The following PLGRKT variants were observed in gnomAD, a reference collection of about 807,000 sequenced individuals.
PLGRKT encodes plasminogen receptor with a C-terminal lysine, also known as plasminogen receptor (KT).
A neutral mutation model predicts 18.5 loss-of-function variants in PLGRKT; 22 were observed. The ratio of observed to expected loss-of-function variants is 1.19; its 90% CI spans 0.85 to 1.70. The LOEUF (loss-of-function observed/expected upper bound fraction) is 1.70. Ranked by LOEUF, PLGRKT falls within the 40% of genes most tolerant of loss-of-function variation. PLGRKT has a pLI of 0.00. For synonymous variants in PLGRKT, 72 were observed against 52.8 expected (o/e 1.36, Z -1.58); for missense variants, 235 against 174.4 (o/e 1.35, Z -1.96).
In PLGRKT at chr9:5,404,155, C is replaced by T. The variant is rs189531300; in HGVS notation, c.81+27742G>A. Among the ~76,000 whole-genome samples the T allele has an allele frequency of 7.5e-4, 114 of 152,216 alleles. 1 individual carries two copies. The highest frequency in any genetic ancestry group is 2.1e-3 in the African/African-American group (89 of 41,554). On this transcript the variant is annotated intron_variant, in intron 3 of 5. Coordinates refer to ENST00000223864, the MANE Select transcript of PLGRKT (RefSeq NM_018465.4). Reference sequence around the variant, plus strand: ...TGAACAGCCTACCAACCAAAAACAGCCCAGATCCTGATGGATTTACAGCTG... The same window carrying T: ...TGAACAGCCTACCAACCAAAAACAGTCCAGATCCTGATGGATTTACAGCTG...
chr9:5,371,347 T>C (rs907583281), intron 3 of PLGRKT, among the ~76,000 whole-genome samples: 1 of 152,210 alleles, frequency 6.6e-6, no homozygotes, highest in East Asian at 1.9e-4. Context: ...TCAACTTGAA[T>C]TGTATCTCCC....
At chr9:5,413,690 A>G (rs1024576608) in intron 3 of PLGRKT, among the ~76,000 whole-genome samples, 2 of 152,212 alleles carry the variant, frequency 1.3e-5, no homozygotes, top group Non-Finnish European at 2.9e-5. Context: ...ATCCATTGAG[A>G]ACCATTTCAA....
At chr9:5,394,055 A>T (rs13283426) in intron 3 of PLGRKT, among the ~76,000 whole-genome samples, 3 of 151,630 alleles carry the variant, frequency 2.0e-5, no homozygotes, top group Non-Finnish European at 4.4e-5. Flanking sequence ...TAGTGTTGCT[A>T]TTTTTATCAT....
Position 5,406,309 on chromosome 9 carries a change from C to G in PLGRKT, c.81+25588G>C, listed in dbSNP as rs373032505. Among the ~76,000 whole-genome samples the G allele has an allele frequency of 2.4e-4, 37 of 152,220 alleles. No individual in the cohort carries two copies. The South Asian group carries it at 7.7e-3, about 32-fold the overall frequency. On this transcript the variant is annotated intron_variant, in intron 3 of 5. Transcript: ENST00000223864. ...ATTCTGTTATAAAGACATATACATA[C>G]GTATGTTCACTGCAGCACTATTCAC...
intron 3 of PLGRKT, among the ~76,000 whole-genome samples, chr9:5,380,396 AAAT>A (rs1817719546): frequency 1.3e-5 from 2 of 151,764 alleles, no homozygotes; most frequent in Non-Finnish European, 2.9e-5. Flanking sequence ...AAAAGAATAA[AAAT>A]AATAGCTAAT....
intron 3 of PLGRKT, among the ~76,000 whole-genome samples, chr9:5,398,607 C>T (rs775535480): frequency 2.0e-4 from 31 of 151,842 alleles, no homozygotes; most frequent in Admixed American, 3.3e-4. Flanking sequence ...AACATCCTGG[C>T]ATTTCTTCTC....
chr9:5,361,834 G>A lies in PLGRKT; in HGVS notation c.136C>T (p.Gln46Ter), dbSNP rs772479229. 1.2e-6 allele frequency: 2 copies of A among 1,612,616 alleles called. No individual in the cohort carries two copies. The highest frequency in any genetic ancestry group is 1.7e-6 in the Non-Finnish European group (2 of 1,178,940). ...AGGAATTCCCGAGACCACGCAATCT[G>A]CATGGCCATTTGTCTTTCCCTCATT... ...SEMRERQMAM[Q>*]IAWSREFLKY... Residue 46 changes from glutamine to a stop codon, truncating the protein, a stop_gained, in exon 4 of 6, where the codon CAG becomes TAG. Transcript: ENST00000223864. LOFTEE classifies it high-confidence loss of function.
At chr9:5,379,497 GAT>G (rs372711401) in intron 3 of PLGRKT, among the ~76,000 whole-genome samples, 9 of 151,594 alleles carry the variant, frequency 5.9e-5, no homozygotes, top group African/African-American at 1.2e-4. Flanking sequence ...CATGTGAGTG[GAT>G]ATGTGTGTGT....
At chr9:5,391,831 G>C (rs1004043102) in intron 3 of PLGRKT, among the ~76,000 whole-genome samples, 1 of 151,904 alleles carries the variant, frequency 6.6e-6, no homozygotes, top group Non-Finnish European at 1.5e-5. Context: ...TAGGAATTAG[G>C]GGAAGGAATG....
intron 3 of PLGRKT, among the ~76,000 whole-genome samples, chr9:5,365,548 A>G (rs144490269): frequency 6.6e-6 from 1 of 152,276 alleles, no homozygotes; most frequent in African/African-American, 2.4e-5. Context: ...AAACAGTATG[A>G]AAGGGCAGCG....
intron 3 of PLGRKT, among the ~76,000 whole-genome samples, chr9:5,427,564 A>G (rs565845840): frequency 6.6e-6 from 1 of 152,350 alleles, no homozygotes; most frequent in Admixed American, 6.5e-5. Flanking sequence ...ACTGTGGCTA[A>G]TTTATAAATT....
chr9:5,379,443 A>C (rs551592667), intron 3 of PLGRKT, among the ~76,000 whole-genome samples: 1 of 152,332 alleles, frequency 6.6e-6, no homozygotes, highest in East Asian at 1.9e-4. Context: ...TTAACAATTT[A>C]GTTTCTCAGA....
At chr9:5,360,719 T>A (rs1252270082) in intron 5 of PLGRKT, among the ~76,000 whole-genome samples, 1 of 152,248 alleles carries the variant, frequency 6.6e-6, no homozygotes, top group Non-Finnish European at 1.5e-5. Context: ...AGAGTATGGA[T>A]AATAGTAAAT....
In PLGRKT at chr9:5,367,662, T is replaced by A. The variant is rs1034040463; in HGVS notation, c.82-5774A>T. Reference sequence around the variant, plus strand: ...CTAGAATAAAACCTGAAATAAACCATTCGGGACATTGATCTTGGCAAAGAA... The same window carrying A: ...CTAGAATAAAACCTGAAATAAACCAATCGGGACATTGATCTTGGCAAAGAA... On this transcript the variant is annotated intron_variant, in intron 3 of 5. Coordinates refer to ENST00000223864, the MANE Select transcript of PLGRKT (RefSeq NM_018465.4). Among the ~76,000 whole-genome samples the A allele has an allele frequency of 9.9e-5, 15 of 152,244 alleles. No homozygotes were observed. In the South Asian group the frequency reaches 1.5e-3, roughly 15 times the overall value.
At chr9:5,429,272 G>A (rs1818767151) in intron 3 of PLGRKT, among the ~76,000 whole-genome samples, 1 of 152,094 alleles carries the variant, frequency 6.6e-6, no homozygotes. Context: ...TAGAAACATA[G>A]AAGCCCAGGG....
At chr9:5,374,528 C>T (rs1264787161) in intron 3 of PLGRKT, among the ~76,000 whole-genome samples, 1 of 152,216 alleles carries the variant, frequency 6.6e-6, no homozygotes, top group Non-Finnish European at 1.5e-5. Context: ...CACATGCTCA[C>T]TTCTCCACAC....
At chr9:5,404,303 C>T (rs562913314) in intron 3 of PLGRKT, among the ~76,000 whole-genome samples, 1 of 152,276 alleles carries the variant, frequency 6.6e-6, no homozygotes, top group East Asian at 1.9e-4. Flanking sequence ...GATACCAAAA[C>T]CTGGCAGAGA....
intron 3 of PLGRKT, among the ~76,000 whole-genome samples, chr9:5,366,749 G>A (rs1045963076): frequency 2.0e-4 from 30 of 152,202 alleles, no homozygotes; most frequent in Admixed American, 1.8e-3. Context: ...GTCCTAGCCA[G>A]AGCAATCAGG....
chr9:5,399,411 T>C lies in PLGRKT; in HGVS notation c.81+32486A>G, dbSNP rs1169826636. Among the ~76,000 whole-genome samples the C allele has an allele frequency of 4.0e-5, 6 of 151,892 alleles. No individual in the cohort carries two copies. The East Asian group carries it at 5.8e-4, about 15-fold the overall frequency. ...TATATCACTTCTGTCTGAAGATTACTTGTTCTTCCCTTTTATATGCTCAAT... is the reference window on the plus strand; with the variant it reads ...TATATCACTTCTGTCTGAAGATTACCTGTTCTTCCCTTTTATATGCTCAAT... On this transcript the variant is annotated intron_variant, in intron 3 of 5. Coordinates refer to ENST00000223864, the MANE Select transcript of PLGRKT (RefSeq NM_018465.4).
Sources: gnomAD v4.1 joint callset for allele counts (sites outside exome capture counted in the v4.1 genomes callset) on GRCh38, gnomAD v4.1.1 for gene constraint, MANE v1.5 for transcripts, NCBI Gene and HGNC (gene_info 2026-07-23, HGNC 2026-07-21) for gene names.